Variants in CADPS2 observed in about 807,000 individuals in gnomAD.
CADPS2 encodes calcium-dependent secretion activator 2.
Under a neutral mutation model 172.5 loss-of-function variants are expected in CADPS2, and 93 were observed. The ratio of observed to expected loss-of-function variants is 0.54; its 90% CI spans 0.46 to 0.64. The LOEUF (loss-of-function observed/expected upper bound fraction) is 0.64. CADPS2 is among the 30% of genes least tolerant of loss of function. The pLI, the probability that CADPS2 is intolerant of heterozygous loss-of-function variation, is 0.00. For synonymous variants in CADPS2, 546 were observed against 555.2 expected (o/e 0.98, Z 0.23); for missense variants, 1,420 against 1,565.9 (o/e 0.91, Z 1.57).
At chr7:122,830,999 A>G (rs566711656) in intron 1 of CADPS2, among the ~76,000 whole-genome samples, 1 of 152,300 alleles carries the variant, frequency 6.6e-6, no homozygotes, top group East Asian at 1.9e-4. Context: ...ACATCAGAAT[A>G]TTGTTTTATT....
At chr7:122,857,022 G>A (rs1815438202) in intron 1 of CADPS2, among the ~76,000 whole-genome samples, 1 of 152,088 alleles carries the variant, frequency 6.6e-6, no homozygotes. Context: ...TAAGGTTTTT[G>A]CAGATATTCA....
chr7:122,341,667 G>A (rs1585123404), intron 28 of CADPS2, among the ~76,000 whole-genome samples: 1 of 152,172 alleles, frequency 6.6e-6, no homozygotes, highest in Non-Finnish European at 1.5e-5. Context: ...CGATTTCAAA[G>A]TTTGACTCAA....
intron 7 of CADPS2, among the ~76,000 whole-genome samples, chr7:122,578,209 G>T (rs2068304340): frequency 6.6e-6 from 1 of 150,976 alleles, no homozygotes; most frequent in Non-Finnish European, 1.5e-5. Context: ...GGTAATGTGT[G>T]CACATATATA....
chr7:122,541,310 C>T (rs1323031600), intron 8 of CADPS2, among the ~76,000 whole-genome samples: 4 of 150,056 alleles, frequency 2.7e-5, no homozygotes, highest in Non-Finnish European at 5.9e-5. Flanking sequence ...AATTTTCCTG[C>T]CTCAGCCTCC....
chr7:122,742,068 T>G (rs1448713644), intron 1 of CADPS2, among the ~76,000 whole-genome samples: 1 of 152,122 alleles, frequency 6.6e-6, no homozygotes, highest in Non-Finnish European at 1.5e-5. Flanking sequence ...AGTTTACAGA[T>G]GCGCAGAGTC....
intron 1 of CADPS2, among the ~76,000 whole-genome samples, chr7:122,822,468 T>C (rs1211031227): frequency 4.0e-5 from 6 of 151,810 alleles, no homozygotes; most frequent in Admixed American, 3.3e-4. Context: ...TCTCTCTCCA[T>C]ACCACCCCCC....
intron 8 of CADPS2, among the ~76,000 whole-genome samples, chr7:122,535,046 T>A (rs1451126419): frequency 2.0e-5 from 3 of 152,174 alleles, no homozygotes; most frequent in Non-Finnish European, 4.4e-5. Flanking sequence ...CATGTTCTCC[T>A]GATTTCTATA....
rs151233598 is a variant in CADPS2 at position 122,861,927 on chromosome 7, T to C, written c.339+24072A>G. Among the ~76,000 whole-genome samples the C allele has an allele frequency of 4.0e-3, 604 of 152,306 alleles. 14 individuals are homozygous for C. In the East Asian group the frequency reaches 0.049, roughly 12 times the overall value. ...ATACCTTCAAAGTTCTGAGGGAGAA[T>C]GATTTCAACCTGGAATTCTATGCGC... On this transcript the variant is annotated intron_variant, in intron 1 of 29. Coordinates refer to ENST00000449022, the MANE Select transcript of CADPS2 (RefSeq NM_017954.11).
intron 1 of CADPS2, among the ~76,000 whole-genome samples, chr7:122,771,488 T>G (rs140135343): frequency 6.6e-6 from 1 of 152,140 alleles, no homozygotes; most frequent in African/African-American, 2.4e-5. Context: ...AGGAGGCACA[T>G]TGAATAAGAT....
intron 1 of CADPS2, among the ~76,000 whole-genome samples, chr7:122,845,322 G>T (rs1811694615): frequency 6.6e-6 from 1 of 152,136 alleles, no homozygotes; most frequent in Non-Finnish European, 1.5e-5. Flanking sequence ...GCAGCTTCTT[G>T]CCTAGCATGA....
intron 1 of CADPS2, among the ~76,000 whole-genome samples, chr7:122,829,783 G>A (rs917764791): frequency 5.3e-5 from 8 of 151,790 alleles, no homozygotes; most frequent in Non-Finnish European, 1.2e-4. Context: ...TTTATTTTTA[G>A]AAGTCTTCAT....
chr7:122,507,470 C>T (rs1044706913), intron 9 of CADPS2, among the ~76,000 whole-genome samples: 10 of 152,078 alleles, frequency 6.6e-5, no homozygotes, highest in African/African-American at 2.4e-4. Context: ...GTGCTAAACT[C>T]CTACTCTTGG....
At chr7:122,485,680 A>G (rs1425775198) in intron 11 of CADPS2, among the ~76,000 whole-genome samples, 1 of 152,256 alleles carries the variant, frequency 6.6e-6, no homozygotes, top group African/African-American at 2.4e-5. Flanking sequence ...AGCTAAGATC[A>G]TTGATGAAGT....
intron 3 of CADPS2, among the ~76,000 whole-genome samples, chr7:122,646,574 C>T (rs1242158717): frequency 2.6e-5 from 4 of 152,054 alleles, no homozygotes; most frequent in African/African-American, 9.7e-5. Context: ...CAAGAAAATA[C>T]ATGGTGTGAA....
chr7:122,395,816 T>C (rs2151519987), intron 20 of CADPS2, among the ~76,000 whole-genome samples: 1 of 152,098 alleles, frequency 6.6e-6, no homozygotes, highest in South Asian at 2.1e-4. Flanking sequence ...TTTTTTCTTT[T>C]TTTTTTTTTA....
rs57121578 is a variant in CADPS2, at chr7:122,554,883, T to C, written c.1336-194A>G. 7.8e-3 allele frequency among the ~76,000 whole-genome samples: 1,189 copies of C among 152,224 alleles called. 16 individuals carry two copies. Among genetic ancestry groups the C allele is most frequent in the African/African-American group, 0.028 (1,148 of 41,568 alleles). On this transcript the variant is annotated intron_variant, in intron 7 of 29. Transcript: ENST00000449022. ...ACTCAATTTATTTTTTTGACAAATA[T>C]GTGTTTTCACATTATCACATAATGA...
In CADPS2 at chr7:122,581,159, A is replaced by G. The variant is rs2068754243; in HGVS notation, c.1335+20T>C. 6.3e-7 allele frequency: 1 copy of G among 1,582,292 alleles called. No individual in the cohort carries two copies. The highest frequency in any genetic ancestry group is 8.7e-7 in the Non-Finnish European group (1 of 1,151,406). On this transcript the variant is annotated intron_variant, in intron 7 of 29. Transcript: ENST00000449022. Reference sequence around the variant, plus strand: ...GTTAAAACTGTTCTACCCTGGACACACAGGCTGACCACAACTCACCCTTCC... The same window carrying G: ...GTTAAAACTGTTCTACCCTGGACACGCAGGCTGACCACAACTCACCCTTCC...
chr7:122,868,444 C>G (rs1010462620), intron 1 of CADPS2, among the ~76,000 whole-genome samples: 1 of 152,162 alleles, frequency 6.6e-6, no homozygotes, highest in Non-Finnish European at 1.5e-5. Flanking sequence ...CCAGCTACAT[C>G]TCAAGAGGCT....
chr7:122,355,962 G>A (rs2039345515), intron 27 of CADPS2, among the ~76,000 whole-genome samples: 1 of 152,068 alleles, frequency 6.6e-6, no homozygotes, highest in Non-Finnish European at 1.5e-5. Flanking sequence ...TAGATTTACA[G>A]AAACACTGTG....
Sources: allele counts gnomAD v4.1 joint callset (sites outside exome capture counted in the v4.1 genomes callset), GRCh38; gene constraint gnomAD v4.1.1; transcripts MANE v1.5; gene names NCBI Gene and HGNC (gene_info 2026-07-23, HGNC 2026-07-21).